GPX2: variants seen among roughly 807,000 people sequenced by gnomAD.
GPX2 encodes the protein glutathione peroxidase 2, also known as gastrointestinal glutathione peroxidase.
In GPX2, 21 loss-of-function variants were observed where a neutral mutation model predicts 14.1. The ratio of observed to expected loss-of-function variants is 1.48; its 90% CI spans 1.05 to 2.14. The LOEUF (loss-of-function observed/expected upper bound fraction) is 2.14. GPX2 is among the 30% of genes most tolerant of loss of function. The probability of loss-of-function intolerance (pLI) is 0.00; values close to 1 mark genes in which losing one functional copy is unlikely to be tolerated. For synonymous variants in GPX2, 94 were observed against 95.2 expected (o/e 0.99, Z 0.07); for missense variants, 241 against 249.8 (o/e 0.96, Z 0.24).
Position 64,940,255 on chromosome 14 carries a change from AC to A in GPX2, c.223-418del, listed in dbSNP as rs1885558114. ...AGAGGCTTAGGTTATACTGCTTAGA[AC>A]CTCCTCTTCAACTAACCTACCGACC... On this transcript the variant is annotated intron_variant, in intron 1 of 1. Transcript: ENST00000389614. This position sits in a 1 kb window ranked among gnomAD's most constrained non-coding sequence, Gnocchi z 4.5. 9.1e-7 allele frequency: 1 copy of A among 1,102,774 alleles called. No individual in the cohort carries two copies. Among genetic ancestry groups the A allele is most frequent in the Admixed American group, 2.3e-5 (1 of 43,306 alleles). The allele number at this position is 1,102,774 out of a possible 1,614,324, so 68.3% of individuals were successfully genotyped here. A position where few individuals can be genotyped will look rare whatever the true frequency, so the allele number is the denominator to read the frequency against.
chr14:64,942,472 A>C, intron 1 of GPX2, 33 bp downstream of exon 1: 2 of 1,559,340 alleles, frequency 1.3e-6, no homozygotes, highest in Non-Finnish European at 1.8e-6. Flanking sequence ...CCAACCCAAC[A>C]CTTTTGGTGC....
rs1462511469 is a variant in GPX2, at chr14:64,939,747, C to T, written c.314G>A (p.Cys105Tyr). The T allele has an allele frequency of 6.2e-7, 1 of 1,614,142 alleles. No homozygotes were observed. The highest frequency in any genetic ancestry group is 1.1e-5 in the South Asian group (1 of 91,078). ...YQPTFTLVQK[C>Y]EVNGQNEHPV... Reference sequence around the variant, plus strand: ...ATGCTCGTTCTGCCCATTCACCTCACATTTTTGGACAAGGGTGAAGGTGGG... The same window carrying T: ...ATGCTCGTTCTGCCCATTCACCTCATATTTTTGGACAAGGGTGAAGGTGGG... Residue 105 changes from cysteine (C) to tyrosine (Y), a missense_variant, in exon 2 of 2, where the codon TGT becomes TAT. Transcript: ENST00000389614. This position sits in a 1 kb window ranked among gnomAD's most constrained non-coding sequence, Gnocchi z 5.7.
intron 1 of GPX2, among the ~76,000 whole-genome samples, chr14:64,941,150 TC>T (rs1885613863): frequency 1.3e-5 from 2 of 152,284 alleles, no homozygotes; most frequent in East Asian, 3.9e-4. Flanking sequence ...CACTGCAGCC[TC>T]GACTTCCCAG....
At position 64,942,628 on chromosome 14, in the gene GPX2, A is replaced by C; in HGVS notation, c.99T>G (p.Ile33Met). Reference sequence around the variant, plus strand: ...TGCCTCAGAGCGAAGCCACATTCTCAATCAGCACGGCCCTGCCCCGGAACG... The same window carrying C: ...TGCCTCAGAGCGAAGCCACATTCTCCATCAGCACGGCCCTGCCCCGGAACG... ...FNTFRGRAVL[I>M]ENVASLUGTT... Residue 33 changes from isoleucine to methionine, a missense_variant, in exon 1 of 2, where the codon ATT becomes ATG. By Grantham distance (10) the Ile-to-Met change is conservative. Transcript: ENST00000389614. The C allele has an allele frequency of 6.2e-7, 1 of 1,614,166 alleles. No homozygotes were observed. Among genetic ancestry groups the C allele is most frequent in the Non-Finnish European group, 8.5e-7 (1 of 1,180,020 alleles).
chr14:64,939,590 G>A lies in GPX2; in HGVS notation c.471C>T (p.Phe157=). 1 of 1,614,164 alleles carries A rather than the reference G, an allele frequency of 6.2e-7. No homozygotes were observed. Among genetic ancestry groups the A allele is most frequent in the African/African-American group, 1.3e-5 (1 of 75,038 alleles). The change falls in exon 2 of 2, where the codon TTC becomes TTT. Residue 157 remains phenylalanine (F), a synonymous_variant. Coordinates refer to ENST00000389614, the MANE Select transcript of GPX2 (RefSeq NM_002083.4). This position sits in a 1 kb window ranked among gnomAD's most constrained non-coding sequence, Gnocchi z 5.7. The part of the protein sequence containing the change: ...RSDVAWNFEK[F]LIGPEGEPFR... ...AGGGCTCTCCCTCCGGCCCTATGAG[G>A]AACTTCTCAAAGTTCCAGGCCACAT... is the stretch of plus-strand genomic sequence containing the variant.
In GPX2 at chr14:64,939,511, G is replaced by T. The variant is rs750288784; in HGVS notation, c.550C>A (p.Arg184Ser). 6.2e-6 allele frequency: 10 copies of T among 1,614,028 alleles called. No homozygotes were observed. In the Admixed American group the frequency reaches 1.5e-4, roughly 24 times the overall value. ...PTINIEPDIKRLLKVAI is the reference protein window; with the variant it reads ...PTINIEPDIKSLLKVAI ...ATCTATATGGCAACTTTAAGGAGGC[G>T]CTTGATGTCAGGCTCAATGTTGATG... Residue 184 changes from arginine (R) to serine (S), a missense_variant, in exon 2 of 2, where the codon CGC (arginine) becomes AGC (serine). Physicochemically the swap from Arg to Ser is moderately radical, Grantham distance 110. Coordinates refer to ENST00000389614, the MANE Select transcript of GPX2 (RefSeq NM_002083.4). The surrounding 1 kb of genome is among the most constrained non-coding windows in gnomAD (Gnocchi z 5.7).
Position 64,939,793 on chromosome 14 carries a change from G to A in GPX2, c.268C>T (p.Arg90Cys), listed in dbSNP as rs775236568. ...EEILNSLKYV[R>C]PGGGYQPTFT... ...GTGGGCTGGTATCCACCCCCAGGAC[G>A]GACATACTTGAGACTGTTCAGGATC... The change falls in exon 2 of 2, where the codon CGT becomes TGT. Residue 90 changes from arginine to cysteine, a missense_variant. Coordinates refer to ENST00000389614, the MANE Select transcript of GPX2 (RefSeq NM_002083.4). This position sits in a 1 kb window ranked among gnomAD's most constrained non-coding sequence, Gnocchi z 5.7. The A allele has an allele frequency of 2.5e-6, 4 of 1,614,112 alleles. No individual in the cohort carries two copies. Among genetic ancestry groups the A allele is most frequent in the East Asian group, 2.2e-5 (1 of 44,880 alleles).
chr14:64,941,604 A>G (rs1473425739), intron 1 of GPX2: 1 of 1,169,734 alleles, frequency 8.5e-7, no homozygotes, highest in African/African-American at 1.6e-5. Flanking sequence ...TGTCACAGCC[A>G]GTGATGCTTC....
At position 64,942,738 on chromosome 14, in the gene GPX2, G is replaced by A; in HGVS notation, c.-12C>T. 1 of 1,606,300 alleles carries A rather than the reference G, an allele frequency of 6.2e-7. No homozygotes were observed. Among genetic ancestry groups the A allele is most frequent in the South Asian group, 1.1e-5 (1 of 90,620 alleles). On this transcript the variant is annotated 5_prime_UTR_variant, in exon 1 of 2. Transcript: ENST00000389614. ...GCAATGAAAGCCATGGTGAAGCGCA[G>A]AGTGAGCCCCGCAGAGAGGCCTGAG...
chr14:64,941,285 C>G (rs1885621448), intron 1 of GPX2: 1 of 994,092 alleles, frequency 1.0e-6, no homozygotes, highest in Non-Finnish European at 1.3e-6. Flanking sequence ...TCAGGCTAAT[C>G]TTGAACTCCT....
intron 1 of GPX2, 141 bp downstream of exon 1, chr14:64,942,364 A>G (rs1377350255): frequency 3.1e-6 from 2 of 651,212 alleles, no homozygotes; most frequent in African/African-American, 1.8e-5. Flanking sequence ...GGTATGTCAC[A>G]TGCACCTAAA....
chr14:64,940,950 C>A lies in GPX2; in HGVS notation c.223-1112G>T, dbSNP rs953038945. On this transcript the variant is annotated intron_variant, in intron 1 of 1. Coordinates refer to ENST00000389614, the MANE Select transcript of GPX2 (RefSeq NM_002083.4). The surrounding 1 kb of genome is among the most constrained non-coding windows in gnomAD (Gnocchi z 4.5). ...CCTTTCCAATTTAACAGACAGATACCTTCCTCTGGGAGAAAGTTCCTGCTT... is the reference window on the plus strand; with the variant it reads ...CCTTTCCAATTTAACAGACAGATACATTCCTCTGGGAGAAAGTTCCTGCTT... Among the ~76,000 whole-genome samples, 7 of 152,184 alleles carry A rather than the reference C, an allele frequency of 4.6e-5. No homozygotes were observed. Among genetic ancestry groups the A allele is most frequent in the African/African-American group, 1.7e-4 (7 of 41,440 alleles).
rs1566836029 is a variant in GPX2, at chr14:64,939,716, G to C, written c.345C>G (p.Val115=). ...GGAGCTTGTCCTTCAGGTAGGCGAA[G>C]ACAGGATGCTCGTTCTGCCCATTCA... ...CEVNGQNEHP[V]FAYLKDKLPY... Residue 115 remains valine, a synonymous_variant, in exon 2 of 2, where the codon GTC becomes GTG. Transcript: ENST00000389614. The surrounding 1 kb of genome is among the most constrained non-coding windows in gnomAD (Gnocchi z 5.7). 1 of 1,614,168 alleles carries C rather than the reference G, an allele frequency of 6.2e-7. No individual in the cohort carries two copies. Among genetic ancestry groups the C allele is most frequent in the Non-Finnish European group, 8.5e-7 (1 of 1,180,030 alleles).
Position 64,942,730 on chromosome 14 carries a change from G to A in GPX2, c.-4C>T. On this transcript the variant is annotated 5_prime_UTR_variant, in exon 1 of 2. Coordinates refer to ENST00000389614, the MANE Select transcript of GPX2 (RefSeq NM_002083.4). Reference sequence around the variant, plus strand: ...AGGACTTGGCAATGAAAGCCATGGTGAAGCGCAGAGTGAGCCCCGCAGAGA... The same window carrying A: ...AGGACTTGGCAATGAAAGCCATGGTAAAGCGCAGAGTGAGCCCCGCAGAGA... The A allele has an allele frequency of 6.2e-7, 1 of 1,611,406 alleles. No individual in the cohort carries two copies. Among genetic ancestry groups the A allele is most frequent in the Non-Finnish European group, 8.5e-7 (1 of 1,177,982 alleles).
In GPX2 at chr14:64,939,933, C is replaced by T. The variant is rs907451642; in HGVS notation, c.223-95G>A. 8.7e-6 allele frequency: 13 copies of T among 1,490,088 alleles called. No individual in the cohort carries two copies. Among genetic ancestry groups the T allele is most frequent in the East Asian group, 2.4e-5 (1 of 41,036 alleles). The allele number at this position is 1,490,088 out of a possible 1,614,324, so 92.3% of individuals were successfully genotyped here. On this transcript the variant is annotated intron_variant, in intron 1 of 1. Coordinates refer to ENST00000389614, the MANE Select transcript of GPX2 (RefSeq NM_002083.4). This position sits in a 1 kb window ranked among gnomAD's most constrained non-coding sequence, Gnocchi z 5.7. ...CTTTCACCCTCCTACACTCCCTCCC[C>T]AGGGTCATTCTTTTTCACTGTGAAA... is the stretch of plus-strand genomic sequence containing the variant.
chr14:64,940,207 G>T lies in GPX2; in HGVS notation c.223-369C>A, dbSNP rs1885554768. The T allele has an allele frequency of 2.3e-6, 3 of 1,304,802 alleles. No individual in the cohort carries two copies. Among genetic ancestry groups the T allele is most frequent in the African/African-American group, 1.5e-5 (1 of 66,620 alleles). 80.8% of individuals were successfully genotyped at this position (1,304,802 alleles called of 1,614,324 possible). ...GTCTACCCTGAGCAGTTCTTAAGGT[G>T]TTTGAAGCAGAAGAAAGAGAAAAGA... is the stretch of plus-strand genomic sequence containing the variant. On this transcript the variant is annotated intron_variant, in intron 1 of 1. Transcript: ENST00000389614. The surrounding 1 kb of genome is among the most constrained non-coding windows in gnomAD (Gnocchi z 4.5).
rs1227891486 is a variant in GPX2 at position 64,939,957 on chromosome 14, AAG to A, written c.223-121_223-120del. On this transcript the variant is annotated intron_variant, in intron 1 of 1. Transcript: ENST00000389614. This position sits in a 1 kb window ranked among gnomAD's most constrained non-coding sequence, Gnocchi z 5.7. Reference sequence around the variant, plus strand: ...CCAGGGTCATTCTTTTTCACTGTGAAAGAGAGAGAGACAAGACAGACGAGGTG... The same window carrying A: ...CCAGGGTCATTCTTTTTCACTGTGAAAGAGAGAGACAAGACAGACGAGGTG... 2.6e-5 allele frequency: 38 copies of A among 1,471,934 alleles called. No homozygotes were observed. The highest frequency in any genetic ancestry group is 2.9e-5 in the Non-Finnish European group (32 of 1,117,688). 91.2% of individuals were successfully genotyped at this position (1,471,934 alleles called of 1,614,324 possible).
intron 1 of GPX2, chr14:64,941,261 T>G: frequency 1.2e-6 from 1 of 803,064 alleles, no homozygotes; most frequent in South Asian, 2.1e-5. Context: ...AGAAACAAGG[T>G]TTCACCATGT....
rs202106619 is a variant in GPX2 at position 64,939,562 on chromosome 14, G to A, written c.499C>T (p.Arg167Ter). 278 of 1,614,004 alleles carry A rather than the reference G, an allele frequency of 1.7e-4. No homozygotes were observed. Among genetic ancestry groups the A allele is most frequent in the Non-Finnish European group, 2.2e-4 (256 of 1,180,030 alleles). Reference sequence around the variant, plus strand: ...GTTGGGAAGGTGCGGCTGTAGCGTCGGAAGGGCTCTCCCTCCGGCCCTATG... The same window carrying A: ...GTTGGGAAGGTGCGGCTGTAGCGTCAGAAGGGCTCTCCCTCCGGCCCTATG... Reference protein sequence around the residue: ...FLIGPEGEPFRRYSRTFPTIN... With the variant: ...FLIGPEGEPF The change falls in exon 2 of 2, where the codon CGA (arginine) becomes TGA (stop). Residue 167 changes from arginine (R) to a stop codon, truncating the protein, a stop_gained. Coordinates refer to ENST00000389614, the MANE Select transcript of GPX2 (RefSeq NM_002083.4). LOFTEE classifies it high-confidence loss of function. The surrounding 1 kb of genome is among the most constrained non-coding windows in gnomAD (Gnocchi z 5.7).
Sources: allele counts gnomAD v4.1 joint callset (sites outside exome capture counted in the v4.1 genomes callset), GRCh38; gene constraint gnomAD v4.1.1; non-coding constraint Gnocchi (gnomAD v3.1); transcripts MANE v1.5; gene names NCBI Gene and HGNC (gene_info 2026-07-23, HGNC 2026-07-21).